PANK4: variants seen among roughly 807,000 people sequenced by gnomAD.
The protein encoded by PANK4 is pantothenate kinase 4 (inactive), also known as 4'-phosphopantetheine phosphatase.
In PANK4, 40 loss-of-function variants were observed where a neutral mutation model predicts 87.9. The ratio of observed to expected loss-of-function variants is 0.46; its 90% CI spans 0.35 to 0.59. The LOEUF is 0.59. Among genes scored for constraint, PANK4 ranks in the 20% least tolerant of loss-of-function variants. PANK4 has a pLI of 0.00. For missense variants in PANK4, 926 were observed against 1,072.3 expected, an observed-to-expected ratio of 0.86 and a Z score of 1.90; for synonymous variants, 524 against 467.4, an observed-to-expected ratio of 1.12 and a Z score of -1.56.
intron 1 of PANK4, among the ~76,000 whole-genome samples, chr1:2,525,336 C>T (rs976931632): frequency 1.2e-4 from 19 of 152,080 alleles, no homozygotes; most frequent in African/African-American, 3.6e-4. Context: ...GTTGGGCATC[C>T]TTTTCGGGGG....
intron 9 of PANK4, among the ~76,000 whole-genome samples, chr1:2,516,099 A>T (rs1331948639): frequency 6.6e-6 from 1 of 150,952 alleles, no homozygotes; most frequent in African/African-American, 2.4e-5. Flanking sequence ...TGTCACCCCT[A>T]CAGTTTCACC....
intron 2 of PANK4, 143 bp downstream of exon 2, chr1:2,521,575 A>G (rs764210148): frequency 1.3e-6 from 1 of 788,000 alleles, no homozygotes; most frequent in Admixed American, 1.7e-5. Context: ...GGCGGAAGGC[A>G]GGGGAGGCTG....
At chr1:2,512,131 A>G (rs891388893) in intron 13 of PANK4, among the ~76,000 whole-genome samples, 13 of 152,178 alleles carry the variant, frequency 8.5e-5, no homozygotes, top group Admixed American at 6.5e-5. Flanking sequence ...CTTGGCACCC[A>G]TGCAGGCGGT....
chr1:2,511,596 G>C (rs1401222300), intron 14 of PANK4, 32 bp downstream of exon 14: 1 of 1,527,748 alleles, frequency 6.5e-7, no homozygotes, highest in Non-Finnish European at 9.1e-7. Context: ...CCCAGCACAA[G>C]GCAAGGCCCC....
At chr1:2,525,457 T>A (rs1470478150) in intron 1 of PANK4, 1 of 152,058 alleles carries the variant, frequency 6.6e-6, no homozygotes, top group Non-Finnish European at 1.5e-5. Context: ...GCAGCGGCTA[T>A]TCAAGGGGGG....
chr1:2,523,147 G>A (rs1179860554), intron 1 of PANK4, among the ~76,000 whole-genome samples: 3 of 152,204 alleles, frequency 2.0e-5, no homozygotes, highest in African/African-American at 4.8e-5. Flanking sequence ...TCAGTAAAAA[G>A]ATTTGGAAAC....
rs761713071 is a variant in PANK4 at position 2,519,967 on chromosome 1, GC to G, written c.700-14del. 1.2e-5 allele frequency: 18 copies of G among 1,540,286 alleles called. No individual in the cohort carries two copies. In the East Asian group the frequency reaches 2.9e-4, roughly 25 times the overall value. ...GCTCGTCAAACTTCTGCAGGACACG[GC>G]GAGGGGGCGGGTGAGGCGCCAGGAG... On this transcript the variant is annotated splice_polypyrimidine_tract_variant and intron_variant, in intron 5 of 18. Coordinates refer to ENST00000378466, the MANE Select transcript of PANK4 (RefSeq NM_018216.4). This position sits in a 1 kb window ranked among gnomAD's most constrained non-coding sequence, Gnocchi z 8.3.
intron 13 of PANK4, 93 bp downstream of exon 13, chr1:2,512,795 C>A: frequency 7.4e-7 from 1 of 1,343,976 alleles, no homozygotes; most frequent in Non-Finnish European, 1.1e-6. Context: ...CACGTGACCC[C>A]CAAGGGACCC....
intron 13 of PANK4, 59 bp from the exon 14 acceptor site, chr1:2,511,742 T>C: frequency 1.9e-6 from 2 of 1,044,526 alleles, no homozygotes; most frequent in Non-Finnish European, 3.0e-6. Context: ...TCAGCCACAG[T>C]GCTCAATGTG....
In PANK4 at chr1:2,512,932, G is replaced by A. The variant is rs1643687879; in HGVS notation, c.1683C>T (p.Leu561=). 6.2e-7 allele frequency: 1 copy of A among 1,612,802 alleles called. No homozygotes were observed. Residue 561 remains leucine, a synonymous_variant, in exon 13 of 19, where the codon CTC becomes CTT. Transcript: ENST00000378466. ...CCCAGTCGAAGACATTCCCCGCCAG[G>A]AGGCCTTTCACCAGCGCCAGCTGCC... ...EERQLALVKG[L]LAGNVFDWGA...
chr1:2,525,041 CCTCCCATAAG>C (rs1267154573), intron 1 of PANK4, among the ~76,000 whole-genome samples: 1 of 152,190 alleles, frequency 6.6e-6, no homozygotes, highest in Non-Finnish European at 1.5e-5. Context: ...AGAAGCATTG[CCTCCCATAAG>C]CTCACTGAAA....
Position 2,520,605 on chromosome 1 carries a change from C to T in PANK4, c.606+118G>A, listed in dbSNP as rs565282368. The T allele has an allele frequency of 7.1e-6, 8 of 1,129,120 alleles. No homozygotes were observed. Among genetic ancestry groups the T allele is most frequent in the Non-Finnish European group, 1.0e-5 (8 of 770,070 alleles). 69.9% of individuals were successfully genotyped at this position (1,129,120 alleles called of 1,614,324 possible). ...AGGCTCTGAGCTCACAGCCTCGCCACCCCCCTCCCGCCCACTGGGCCCCAT... is the reference window on the plus strand; with the variant it reads ...AGGCTCTGAGCTCACAGCCTCGCCATCCCCCTCCCGCCCACTGGGCCCCAT... On this transcript the variant is annotated intron_variant, in intron 4 of 18. Coordinates refer to ENST00000378466, the MANE Select transcript of PANK4 (RefSeq NM_018216.4). This position sits in a 1 kb window ranked among gnomAD's most constrained non-coding sequence, Gnocchi z 6.2.
At chr1:2,518,874 GGCA>G (rs1643834637) in intron 7 of PANK4, among the ~76,000 whole-genome samples, 1 of 152,222 alleles carries the variant, frequency 6.6e-6, no homozygotes, top group South Asian at 2.1e-4. Context: ...CCTCTGCGGG[GGCA>G]GGGGCACCCT....
chr1:2,517,325 A>G (rs2494596), intron 9 of PANK4, among the ~76,000 whole-genome samples: 57,079 of 152,158 alleles, frequency 0.38, 13,540 homozygotes, highest in African/African-American at 0.67. Context: ...TGAGAAGCCA[A>G]AACTCAACAA....
In PANK4 at chr1:2,509,742, TCAGGAGAGGCCGCAGGGG is replaced by T; in HGVS notation, c.2108+102_2108+119del. On this transcript the variant is annotated intron_variant, in intron 18 of 18. Transcript: ENST00000378466. This position sits in a 1 kb window ranked among gnomAD's most constrained non-coding sequence, Gnocchi z 4.9. ...TCCTGAGATCAATCCGGGCCTGGGGTCAGGAGAGGCCGCAGGGGCAGTCCTGAGGTCGGTGTCCCGCAT... is the reference window on the plus strand; with the variant it reads ...TCCTGAGATCAATCCGGGCCTGGGGTCAGTCCTGAGGTCGGTGTCCCGCAT... The T allele has an allele frequency of 3.6e-6, 3 of 838,102 alleles. No individual in the cohort carries two copies. The highest frequency in any genetic ancestry group is 6.0e-6 in the Non-Finnish European group (3 of 504,100). 51.9% of individuals were successfully genotyped at this position (838,102 alleles called of 1,614,324 possible).
chr1:2,510,184 A>G lies in PANK4; in HGVS notation c.1939-27T>C. ...TGCAGGAGGAGGGCCCAGGCTCTTT[A>G]GGAACCTGTGCTGGCCCAGCATGGA... On this transcript the variant is annotated intron_variant, in intron 16 of 18. Transcript: ENST00000378466. The surrounding 1 kb of genome is among the most constrained non-coding windows in gnomAD (Gnocchi z 4.9). 2.8e-6 allele frequency: 4 copies of G among 1,439,140 alleles called. No individual in the cohort carries two copies. The highest frequency in any genetic ancestry group is 3.9e-6 in the Non-Finnish European group (4 of 1,036,986). 89.1% of individuals were successfully genotyped at this position (1,439,140 alleles called of 1,614,324 possible). A position where few individuals can be genotyped will look rare whatever the true frequency, so the allele number is the denominator to read the frequency against.
intron 14 of PANK4, 55 bp downstream of exon 14, chr1:2,511,573 G>C (rs200943787): frequency 7.8e-7 from 1 of 1,287,620 alleles, no homozygotes; most frequent in African/African-American, 1.5e-5. Context: ...TGCAGAGAAC[G>C]TCCAGGCATG....
chr1:2,514,087 G>A lies in PANK4; in HGVS notation c.1490C>T (p.Ala497Val). ...GCTGCGCACGGTCAGGGTCCCATAG[G>A]CGCTGGGGACAGACACGGCAGAGGG... is the stretch of plus-strand genomic sequence containing the variant. ...KLQTLRQQPF[A>V]YGTLTVRSLL... The change falls in exon 12 of 19, where the codon GCC (alanine) becomes GTC (valine). Residue 497 changes from alanine (A) to valine (V), a missense_variant and splice_region_variant. Coordinates refer to ENST00000378466, the MANE Select transcript of PANK4 (RefSeq NM_018216.4). 1 of 1,611,864 alleles carries A rather than the reference G, an allele frequency of 6.2e-7. No individual in the cohort carries two copies. The highest frequency in any genetic ancestry group is 8.5e-7 in the Non-Finnish European group (1 of 1,179,112).
chr1:2,521,355 A>G (rs756542366), intron 2 of PANK4, 40 bp from the exon 3 acceptor site: 7 of 1,507,532 alleles, frequency 4.6e-6, no homozygotes, highest in Non-Finnish European at 6.5e-6. Flanking sequence ...TGTGTGGGAC[A>G]CCGCGCCGGG....
Sources: gnomAD v4.1 joint callset for allele counts (sites outside exome capture counted in the v4.1 genomes callset) on GRCh38, gnomAD v4.1.1 for gene constraint, Gnocchi (gnomAD v3.1) non-coding constraint, MANE v1.5 for transcripts, NCBI Gene and HGNC (gene_info 2026-07-23, HGNC 2026-07-21) for gene names.